LARP4B: variants seen among roughly 807,000 people sequenced by gnomAD.
LARP4B encodes the protein la-related protein 4B.
LARP4B carries 12 observed loss-of-function variants against 89.8 expected under a neutral mutation model. That is an observed-to-expected ratio of 0.13 (90% CI 0.09 to 0.22). LARP4B has a LOEUF of 0.22. Ranked by LOEUF, LARP4B falls within the 10% of genes least tolerant of loss-of-function variation. LARP4B has a pLI of 1.00. For synonymous variants in LARP4B, 367 were observed against 363.3 expected (o/e 1.01, Z -0.12); for missense variants, 757 against 947.7 (o/e 0.80, Z 2.64).
chr10:941,809 C>T, the LARP4B span, among the ~76,000 whole-genome samples: 1 of 151,882 alleles, frequency 6.6e-6, no homozygotes, highest in South Asian at 2.1e-4. Context: ...AGGGCCTCAG[C>T]CTGTCACCTA....
chr10:948,995 G>A, the LARP4B span, among the ~76,000 whole-genome samples: 2 of 152,204 alleles, frequency 1.3e-5, no homozygotes, highest in East Asian at 1.9e-4. Context: ...GTCAGTCTTC[G>A]TTTTCTCCGG....
Position 822,351 on chromosome 10 carries a change from C to T in LARP4B, c.1485-1506G>A, listed in dbSNP as rs77281781. On this transcript the variant is annotated intron_variant, in intron 13 of 17. Coordinates refer to ENST00000316157, the MANE Select transcript of LARP4B (RefSeq NM_015155.3). This position sits in a 1 kb window ranked among gnomAD's most constrained non-coding sequence, Gnocchi z 4.6. ...TGGGCAGAGGACATCCCGCAGGGCT[C>T]GGCACAGGGCATCCCTCCGCCAAGG... is the stretch of plus-strand genomic sequence containing the variant. Among the ~76,000 whole-genome samples, 40 of 152,334 alleles carry T rather than the reference C, an allele frequency of 2.6e-4. 1 individual carries two copies. The East Asian group carries it at 5.0e-3, about 19-fold the overall frequency.
chr10:867,142 A>C (rs1006276332), intron 3 of LARP4B, among the ~76,000 whole-genome samples: 3 of 152,244 alleles, frequency 2.0e-5, no homozygotes, highest in African/African-American at 7.2e-5. Context: ...GTCCAAATCA[A>C]GTGTATGCAG....
At chr10:914,513 C>A (rs576641894) in intron 1 of LARP4B, among the ~76,000 whole-genome samples, 1 of 147,606 alleles carries the variant, frequency 6.8e-6, no homozygotes, top group African/African-American at 2.5e-5. Flanking sequence ...AAAAAAAAGT[C>A]GAGTGAGGCG....
chr10:929,781 GTCAAC>G (rs1457898206), intron 1 of LARP4B, among the ~76,000 whole-genome samples: 1 of 152,024 alleles, frequency 6.6e-6, no homozygotes, highest in African/African-American at 2.4e-5. Flanking sequence ...ATATAAATAA[GTCAAC>G]TCAACTCACA....
chr10:829,147 G>A (rs939579204), intron 11 of LARP4B, among the ~76,000 whole-genome samples: 3 of 152,210 alleles, frequency 2.0e-5, no homozygotes, highest in Non-Finnish European at 4.4e-5. Flanking sequence ...GTCTTGCTAA[G>A]AGCTGCATGA....
chr10:955,543 T>G, the LARP4B span, among the ~76,000 whole-genome samples: 2 of 152,182 alleles, frequency 1.3e-5, no homozygotes, highest in African/African-American at 4.8e-5. The surrounding 1 kb of genome is among the most constrained non-coding windows in gnomAD (Gnocchi z 5.2). Flanking sequence ...CTCCTAACAC[T>G]CAGACCTTCA....
the LARP4B span, chr10:972,852 AC>A: frequency 2.2e-6 from 1 of 456,992 alleles, no homozygotes; most frequent in Non-Finnish European, 4.4e-6. Context: ...TCTTGGCATT[AC>A]AGAGAATGCT....
rs754152920 is a variant in LARP4B, at chr10:815,049, C to T, written c.1717G>A (p.Val573Met). The change falls in exon 16 of 18, where the codon GTG (valine) becomes ATG (methionine). Residue 573 changes from valine (V) to methionine (M), a missense_variant. Transcript: ENST00000316157. ...GAGACCACTACAGGAAGGGTGTTCA[C>T]GCTTGCGTCTGCACTGAGGGTCTGA... ...KERTLSADAS[V>M]NTLPVVVSRE... The T allele has an allele frequency of 1.8e-5, 28 of 1,595,282 alleles. No individual in the cohort carries two copies. Among genetic ancestry groups the T allele is most frequent in the South Asian group, 7.9e-5 (7 of 88,914 alleles).
intron 15 of LARP4B, among the ~76,000 whole-genome samples, chr10:817,202 C>T (rs1832108525): frequency 6.6e-6 from 1 of 152,198 alleles, no homozygotes; most frequent in Non-Finnish European, 1.5e-5. Flanking sequence ...TGAGTGTCCT[C>T]TGTCATCTGC....
intron 1 of LARP4B, among the ~76,000 whole-genome samples, chr10:901,118 A>C (rs1250147573): frequency 1.1e-5 from 1 of 89,060 alleles, no homozygotes; most frequent in Non-Finnish European, 2.4e-5. Context: ...ACGAGGTTTC[A>C]CCATGTTGGC....
chr10:833,629 C>T (rs942688221), intron 8 of LARP4B, among the ~76,000 whole-genome samples: 4 of 152,182 alleles, frequency 2.6e-5, no homozygotes, highest in African/African-American at 4.8e-5. Context: ...CGGTGGCTCA[C>T]GCCTGTAATC....
chr10:909,119 C>T (rs1042273356), intron 1 of LARP4B, among the ~76,000 whole-genome samples: 1 of 151,874 alleles, frequency 6.6e-6, no homozygotes, highest in South Asian at 2.1e-4. Flanking sequence ...ACGGTGAAAC[C>T]CCGTCTCTAC....
intron 3 of LARP4B, 98 bp from the exon 4 acceptor site, chr10:864,368 A>C (rs1347208531): frequency 8.6e-7 from 1 of 1,168,466 alleles, no homozygotes; most frequent in East Asian, 2.4e-5. Context: ...TATAGGCTCC[A>C]AAGGCTCAGC....
At chr10:855,412 A>T (rs1834251599) in intron 5 of LARP4B, among the ~76,000 whole-genome samples, 1 of 152,138 alleles carries the variant, frequency 6.6e-6, no homozygotes, top group African/African-American at 2.4e-5. Context: ...CCCTCAGAAG[A>T]GGGAATGTAG....
At chr10:889,834 C>G (rs988034634) in intron 1 of LARP4B, among the ~76,000 whole-genome samples, 15 of 152,156 alleles carry the variant, frequency 9.9e-5, no homozygotes, top group Admixed American at 2.6e-4. Context: ...CCCAGCTACT[C>G]AGGAGGCTGA....
chr10:835,576 AC>A (rs1833169550), intron 8 of LARP4B, among the ~76,000 whole-genome samples: 1 of 152,222 alleles, frequency 6.6e-6, no homozygotes, highest in African/African-American at 2.4e-5. Context: ...CAGTGTGTTT[AC>A]TACACAAAGC....
At chr10:832,862 G>A (rs1013189437) in intron 8 of LARP4B, among the ~76,000 whole-genome samples, 1 of 152,234 alleles carries the variant, frequency 6.6e-6, no homozygotes, top group Non-Finnish European at 1.5e-5. Flanking sequence ...ATAAAGGAAT[G>A]AGAAGGACTG....
the LARP4B span, among the ~76,000 whole-genome samples, chr10:956,197 CAGCTG>C: frequency 6.6e-6 from 1 of 152,178 alleles, no homozygotes; most frequent in Non-Finnish European, 1.5e-5. This position sits in a 1 kb window ranked among gnomAD's most constrained non-coding sequence, Gnocchi z 4.3. Flanking sequence ...CCAACCCCTA[CAGCTG>C]AGCGTGACGG....
Sources: gnomAD v4.1 joint callset for allele counts (sites outside exome capture counted in the v4.1 genomes callset) on GRCh38, gnomAD v4.1.1 for gene constraint, Gnocchi (gnomAD v3.1) non-coding constraint, MANE v1.5 for transcripts, NCBI Gene and HGNC (gene_info 2026-07-23, HGNC 2026-07-21) for gene names.